ROPN1L: variants seen among roughly 807,000 people sequenced by gnomAD.
ROPN1L encodes ropporin-1-like protein.
Under a neutral mutation model 22.7 loss-of-function variants are expected in ROPN1L, and 23 were observed. The ratio of observed to expected loss-of-function variants is 1.01; its 90% CI spans 0.73 to 1.43. The LOEUF (loss-of-function observed/expected upper bound fraction) is 1.43, where lower values mean the gene tolerates loss of function less well. Among genes scored for constraint, ROPN1L ranks in the 40% most tolerant of loss-of-function variants. ROPN1L has a pLI of 0.00. For missense variants in ROPN1L, 271 were observed against 291.5 expected (o/e 0.93, Z 0.51); for synonymous variants, 116 against 117.8 (o/e 0.98, Z 0.10).
rs145309137 is a variant in ROPN1L at position 10,450,016 on chromosome 5, C to T, written c.320C>T (p.Pro107Leu). ...CAGAAGTGGAAGAACTTGTGCCTGC[C>T]GAAGGAAAAATTCAAAGCGCTCTTA... ...LEQKWKNLCL[P>L]KEKFKALLQL... Residue 107 changes from proline to leucine, a missense_variant, in exon 3 of 5, where the codon CCG becomes CTG. Transcript: ENST00000274134. 11 of 1,613,562 alleles carry T rather than the reference C, an allele frequency of 6.8e-6. No individual in the cohort carries two copies. The highest frequency in any genetic ancestry group is 2.2e-5 in the East Asian group (1 of 44,860).
At chr5:10,464,384 C>T (rs973620006) in intron 4 of ROPN1L, among the ~76,000 whole-genome samples, 1 of 152,258 alleles carries the variant, frequency 6.6e-6, no homozygotes, top group South Asian at 2.1e-4. Flanking sequence ...TCTGCTTCTG[C>T]ACCGCCATCC....
At chr5:10,445,206 A>G (rs1741017087) in intron 1 of ROPN1L, among the ~76,000 whole-genome samples, 1 of 152,154 alleles carries the variant, frequency 6.6e-6, no homozygotes. Flanking sequence ...TCCTGACCTC[A>G]AGTAATCTGC....
intron 4 of ROPN1L, 61 bp downstream of exon 4, chr5:10,461,420 C>T: frequency 6.8e-7 from 1 of 1,462,646 alleles, no homozygotes; most frequent in Non-Finnish European, 9.5e-7. Flanking sequence ...TCCTGTTTCA[C>T]TTCCCCCTTG....
Position 10,461,275 on chromosome 5 carries a change from A to G in ROPN1L, c.509A>G (p.Tyr170Cys). ...PARIPFKTFSYVYRYLARLDS... is the reference protein window; with the variant it reads ...PARIPFKTFSCVYRYLARLDS... ...CGCATCCCCTTCAAGACGTTTTCCT[A>G]CGTTTACCGCTACTTGGCCAGATTA... The change falls in exon 4 of 5, where the codon TAC becomes TGC. Residue 170 changes from tyrosine (Y) to cysteine (C), a missense_variant. Coordinates refer to ENST00000274134, the MANE Select transcript of ROPN1L (RefSeq NM_031916.5). 2 of 1,614,096 alleles carry G rather than the reference A, an allele frequency of 1.2e-6. No individual in the cohort carries two copies. Among genetic ancestry groups the G allele is most frequent in the Non-Finnish European group, 1.7e-6 (2 of 1,180,028 alleles).
chr5:10,448,993 C>T (rs1158436750), intron 2 of ROPN1L, among the ~76,000 whole-genome samples: 1 of 152,232 alleles, frequency 6.6e-6, no homozygotes, highest in Non-Finnish European at 1.5e-5. Context: ...AAAAGAGACA[C>T]CAGTGGCATA....
At chr5:10,460,607 C>T (rs148002731) in intron 3 of ROPN1L, among the ~76,000 whole-genome samples, 227 of 152,304 alleles carry the variant, frequency 1.5e-3, no homozygotes, top group African/African-American at 5.3e-3. Flanking sequence ...GGAGGAAGTC[C>T]GGTTGCTGTT....
intron 1 of ROPN1L, among the ~76,000 whole-genome samples, 167 bp downstream of exon 1, chr5:10,442,465 T>C (rs1740917032): frequency 6.6e-6 from 1 of 152,258 alleles, no homozygotes; most frequent in African/African-American, 2.4e-5. Flanking sequence ...GAGTGTTTTA[T>C]CTAGGAACCA....
chr5:10,449,932 A>G lies in ROPN1L; in HGVS notation c.256-20A>G, dbSNP rs1741198169. 1 of 1,597,148 alleles carries G rather than the reference A, an allele frequency of 6.3e-7. No individual in the cohort carries two copies. The highest frequency in any genetic ancestry group is 1.1e-5 in the South Asian group (1 of 89,044). On this transcript the variant is annotated intron_variant, in intron 2 of 4. Coordinates refer to ENST00000274134, the MANE Select transcript of ROPN1L (RefSeq NM_031916.5). ...GGTTTTAAAACATACATAAATTGTC[A>G]TGCTGTGTTTTCCAAACAGTGTCAC...
chr5:10,467,129 G>A (rs1261430125), downstream of ROPN1L, among the ~76,000 whole-genome samples: 1 of 152,074 alleles, frequency 6.6e-6, no homozygotes, highest in Non-Finnish European at 1.5e-5. Context: ...TGTTGGTGGG[G>A]ACTCAAGTTC....
intron 3 of ROPN1L, among the ~76,000 whole-genome samples, chr5:10,458,771 G>A (rs1393507599): frequency 1.4e-4 from 3 of 22,104 alleles, no homozygotes; most frequent in African/African-American, 5.4e-4. Flanking sequence ...CCATCCCCTC[G>A]TGTACACCAT....
chr5:10,455,558 G>A (rs537498344), intron 3 of ROPN1L, among the ~76,000 whole-genome samples: 1 of 152,290 alleles, frequency 6.6e-6, no homozygotes, highest in East Asian at 1.9e-4. Context: ...TGCCCTGTCC[G>A]CTGGAGATTC....
downstream of ROPN1L, among the ~76,000 whole-genome samples, chr5:10,469,111 T>C (rs1032689907): frequency 6.6e-5 from 10 of 152,068 alleles, no homozygotes; most frequent in Middle Eastern, 3.4e-3. Context: ...GCCGAGATCG[T>C]GCCACTGCAC....
chr5:10,458,919 TC>T (rs1734940848), intron 3 of ROPN1L, among the ~76,000 whole-genome samples: 1 of 39,716 alleles, frequency 2.5e-5, no homozygotes, highest in Admixed American at 3.4e-4. Flanking sequence ...GTATGCCCCA[TC>T]CCCCCACCGT....
At chr5:10,457,850 T>C (rs1018356512) in intron 3 of ROPN1L, among the ~76,000 whole-genome samples, 1 of 152,078 alleles carries the variant, frequency 6.6e-6, no homozygotes, top group South Asian at 2.1e-4. Flanking sequence ...GTTTGTTTCT[T>C]GCGCTTCCCT....
intron 3 of ROPN1L, among the ~76,000 whole-genome samples, chr5:10,456,690 C>T (rs1191829639): frequency 6.6e-6 from 1 of 152,154 alleles, no homozygotes; most frequent in African/African-American, 2.4e-5. Flanking sequence ...AAATGTGACT[C>T]GCAGCACAAG....
Position 10,461,361 on chromosome 5 carries a change from T to C in ROPN1L, c.593+2T>C. On this transcript the variant is annotated splice_donor_variant, in intron 4 of 4. Coordinates refer to ENST00000274134, the MANE Select transcript of ROPN1L (RefSeq NM_031916.5). LOFTEE classifies it high-confidence loss of function. ...CCTTGCCTCTCTAAAGGAAAATATG[T>C]AAGTATGCACCCTCTCTAGGATTCA... The C allele has an allele frequency of 6.2e-7, 1 of 1,612,234 alleles. No individual in the cohort carries two copies. The highest frequency in any genetic ancestry group is 8.5e-7 in the Non-Finnish European group (1 of 1,178,430).
chr5:10,465,576 G>A (rs1038967507), downstream of ROPN1L, among the ~76,000 whole-genome samples: 4 of 151,896 alleles, frequency 2.6e-5, no homozygotes, highest in African/African-American at 9.7e-5. Flanking sequence ...TTGGTCAGGC[G>A]CAGTGGCTCA....
downstream of ROPN1L, among the ~76,000 whole-genome samples, chr5:10,467,396 T>G (rs188251795): frequency 2.6e-5 from 4 of 152,222 alleles, no homozygotes; most frequent in East Asian, 7.7e-4. Flanking sequence ...TTGCCAAGGT[T>G]AAGGACGTGC....
downstream of ROPN1L, among the ~76,000 whole-genome samples, chr5:10,475,471 C>T (rs545632090): frequency 6.6e-6 from 1 of 152,352 alleles, no homozygotes; most frequent in East Asian, 1.9e-4. Flanking sequence ...GACTGATGCA[C>T]TGTTCCCAGC....
Sources: gnomAD v4.1 joint callset for allele counts (sites outside exome capture counted in the v4.1 genomes callset) on GRCh38, gnomAD v4.1.1 for gene constraint, MANE v1.5 for transcripts, NCBI Gene and HGNC (gene_info 2026-07-23, HGNC 2026-07-21) for gene names.